The following DDC variants were observed in gnomAD, a reference collection of about 807,000 sequenced individuals.
DDC encodes the protein aromatic-L-amino-acid decarboxylase.
DDC carries 43 observed loss-of-function variants against 60.0 expected under a neutral mutation model. The ratio of observed to expected loss-of-function variants is 0.72; its 90% CI spans 0.56 to 0.92. The LOEUF (loss-of-function observed/expected upper bound fraction) is 0.92, where lower values mean the gene tolerates loss of function less well. Among genes scored for constraint, DDC ranks in the 40% least tolerant of loss-of-function variants. The pLI is 0.00. For synonymous variants in DDC, 232 were observed against 234.6 expected, an observed-to-expected ratio of 0.99 and a Z score of 0.10; for missense variants, 573 against 620.2, an observed-to-expected ratio of 0.92 and a Z score of 0.81.
chr7:50,548,472 G>A (rs528792467), intron 1 of DDC, among the ~76,000 whole-genome samples: 2 of 152,312 alleles, frequency 1.3e-5, no homozygotes, highest in South Asian at 4.1e-4. Flanking sequence ...GATATGGAGA[G>A]TATTTTAATG....
At chr7:50,462,226 C>CAAAAAAAAAAAAAAAAAAAAAAAAAAAAA (rs11410259) in intron 14 of DDC, among the ~76,000 whole-genome samples, 1 of 75,380 alleles carries the variant, frequency 1.3e-5, no homozygotes, top group Non-Finnish European at 2.4e-5. Flanking sequence ...GACAAAAAGA[C>CAAAAAAAAAAAAAAAAAAAAAAAAAAAAA]AAAAAAAAAA....
intron 6 of DDC, 47 bp downstream of exon 6, chr7:50,528,090 G>A (rs1486639166): frequency 5.0e-6 from 8 of 1,604,192 alleles, no homozygotes; most frequent in Non-Finnish European, 6.8e-6. Flanking sequence ...TAGTAGAGAC[G>A]GAGTTTCACC....
intron 6 of DDC, chr7:50,527,761 T>C (rs2044077073): frequency 3.8e-6 from 1 of 260,588 alleles, no homozygotes; most frequent in Admixed American, 5.1e-5. Flanking sequence ...AGACTCTTTT[T>C]GCATCCTTCA....
intron 1 of DDC, among the ~76,000 whole-genome samples, chr7:50,549,656 CAAAA>C (rs58449351): frequency 2.1e-5 from 2 of 95,038 alleles, no homozygotes; most frequent in Non-Finnish European, 2.2e-5. Context: ...GACTCTGTCT[CAAAA>C]AAAAAAAAAA....
intron 1 of DDC, among the ~76,000 whole-genome samples, chr7:50,560,796 A>G (rs2045326683): frequency 6.6e-6 from 1 of 152,146 alleles, no homozygotes; most frequent in African/African-American, 2.4e-5. Context: ...AAGCCGACCT[A>G]GGTTGGTGCC....
intron 11 of DDC, among the ~76,000 whole-genome samples, chr7:50,472,807 G>C (rs150110981): frequency 1.3e-5 from 2 of 152,092 alleles, no homozygotes; most frequent in South Asian, 4.2e-4. Flanking sequence ...ATCTACTGAC[G>C]GGGGATAGAA....
At chr7:50,497,747 C>G (rs555466376) in intron 8 of DDC, among the ~76,000 whole-genome samples, 1 of 152,198 alleles carries the variant, frequency 6.6e-6, no homozygotes, top group East Asian at 1.9e-4. Flanking sequence ...CCATTTACCC[C>G]CAAGGATCCA....
chr7:50,486,280 G>A (rs1321883939), intron 9 of DDC, among the ~76,000 whole-genome samples: 1 of 152,164 alleles, frequency 6.6e-6, no homozygotes, highest in Non-Finnish European at 1.5e-5. Context: ...TTGCGTGCAT[G>A]CACTCTTGGT....
intron 6 of DDC, among the ~76,000 whole-genome samples, chr7:50,526,534 G>T (rs1189265909): frequency 6.6e-6 from 1 of 152,152 alleles, no homozygotes; most frequent in Admixed American, 6.5e-5. Context: ...ATTAATCCAA[G>T]AAGAGGCAAG....
intron 6 of DDC, among the ~76,000 whole-genome samples, chr7:50,521,339 A>G (rs1468865448): frequency 6.6e-6 from 1 of 152,212 alleles, no homozygotes. Flanking sequence ...AACCATGCCA[A>G]TTGAATTCAC....
chr7:50,484,750 C>T (rs1481983064), intron 9 of DDC, among the ~76,000 whole-genome samples: 1 of 152,142 alleles, frequency 6.6e-6, no homozygotes, highest in Non-Finnish European at 1.5e-5. Context: ...GAAAGCCTCT[C>T]TCTGTAACCA....
At chr7:50,546,647 C>G (rs1483898137) in intron 1 of DDC, among the ~76,000 whole-genome samples, 2 of 152,206 alleles carry the variant, frequency 1.3e-5, no homozygotes, top group Non-Finnish European at 2.9e-5. Flanking sequence ...TTGGCATTCT[C>G]TCTAATATTT....
At chr7:50,519,677 G>A (rs1296911027) in intron 6 of DDC, among the ~76,000 whole-genome samples, 2 of 152,120 alleles carry the variant, frequency 1.3e-5, no homozygotes, top group African/African-American at 4.8e-5. Flanking sequence ...TGATATGTGG[G>A]AGCTAAGCTA....
At chr7:50,535,815 CT>C (rs1585251205) in intron 4 of DDC, among the ~76,000 whole-genome samples, 1 of 152,198 alleles carries the variant, frequency 6.6e-6, no homozygotes, top group Non-Finnish European at 1.5e-5. Flanking sequence ...GGTGACTTTG[CT>C]GATGTGATTA....
chr7:50,554,932 T>TTCTCCAGAGAACTC (rs1194857152), intron 1 of DDC, among the ~76,000 whole-genome samples: 1 of 152,180 alleles, frequency 6.6e-6, no homozygotes, highest in African/African-American at 2.4e-5. Flanking sequence ...GGGTGGACTC[T>TTCTCCAGAGAACTC]GGATCCAGAG....
chr7:50,495,737 C>T (rs908894971), intron 8 of DDC, among the ~76,000 whole-genome samples: 1 of 152,070 alleles, frequency 6.6e-6, no homozygotes, highest in Non-Finnish European at 1.5e-5. Context: ...AGTTTATATT[C>T]CCAAATGAAA....
chr7:50,478,815 A>AAAACC (rs33974864), intron 10 of DDC, among the ~76,000 whole-genome samples: 1 of 8,426 alleles, frequency 1.2e-4, no homozygotes, highest in Non-Finnish European at 3.0e-4. Flanking sequence ...GTGCAGAGTT[A>AAAACC]AAGCGAACAA....
intron 6 of DDC, among the ~76,000 whole-genome samples, chr7:50,523,014 T>C (rs917232144): frequency 6.6e-6 from 1 of 152,090 alleles, no homozygotes; most frequent in Non-Finnish European, 1.5e-5. Flanking sequence ...CATGATCCAA[T>C]CACCTTCCAC....
intron 9 of DDC, among the ~76,000 whole-genome samples, chr7:50,487,647 T>A (rs973326109): frequency 2.6e-5 from 4 of 152,124 alleles, no homozygotes; most frequent in African/African-American, 9.7e-5. Context: ...CATTTTGTTA[T>A]GTGTTGTGGC....
Sources: allele counts gnomAD v4.1 joint callset (sites outside exome capture counted in the v4.1 genomes callset), GRCh38; gene constraint gnomAD v4.1.1; transcripts MANE v1.5; gene names NCBI Gene and HGNC (gene_info 2026-07-23, HGNC 2026-07-21).